SHQ1: variants seen among roughly 807,000 people sequenced by gnomAD.
The protein encoded by SHQ1 is protein SHQ1 homolog.
Under a neutral mutation model 53.8 loss-of-function variants are expected in SHQ1, and 49 were observed. The observed-to-expected ratio is 0.91, with a 90% CI of 0.72 to 1.16. The LOEUF is 1.16. SHQ1 is among the 50% of genes most tolerant of loss of function. The pLI is 0.00. For synonymous variants in SHQ1, 243 were observed against 251.0 expected (o/e 0.97, Z 0.30); for missense variants, 738 against 683.1 (o/e 1.08, Z -0.90).
chr3:72,831,399 G>A (rs544484743), intron 5 of SHQ1, among the ~76,000 whole-genome samples: 35 of 152,316 alleles, frequency 2.3e-4, no homozygotes, highest in Admixed American at 2.0e-3. Flanking sequence ...CAAATGGAGA[G>A]ACTCTTTTCA....
At chr3:72,833,534 CAGATAGATAGAT>C (rs113103994) in intron 4 of SHQ1, among the ~76,000 whole-genome samples, 26,297 of 149,574 alleles carry the variant, frequency 0.18, 2,661 homozygotes, top group African/African-American at 0.27. Flanking sequence ...GGATGATAGA[CAGATAGATAGAT>C]AGATAGATAG....
intron 10 of SHQ1, chr3:72,753,022 AT>A: frequency 1.0e-6 from 1 of 985,396 alleles, no homozygotes; most frequent in Non-Finnish European, 1.2e-6. Context: ...TATCGAGTAA[AT>A]AAACTTTTCC....
At chr3:72,840,599 C>T (rs1708150183) in intron 4 of SHQ1, among the ~76,000 whole-genome samples, 1 of 151,184 alleles carries the variant, frequency 6.6e-6, no homozygotes, top group African/African-American at 2.4e-5. Context: ...ATGGTGCCTA[C>T]TATACACCAA....
At chr3:72,797,015 T>C (rs1453575655) in intron 9 of SHQ1, among the ~76,000 whole-genome samples, 1 of 150,962 alleles carries the variant, frequency 6.6e-6, no homozygotes, top group Non-Finnish European at 1.5e-5. Context: ...CCCAGCACTC[T>C]GGGAGGCCGA....
chr3:72,785,436 G>A (rs1258889422), intron 10 of SHQ1, among the ~76,000 whole-genome samples: 1 of 152,176 alleles, frequency 6.6e-6, no homozygotes, highest in Non-Finnish European at 1.5e-5. Flanking sequence ...TGGAGCTGGA[G>A]GTCACATAGC....
At chr3:72,767,557 G>A (rs1705757330) in intron 10 of SHQ1, among the ~76,000 whole-genome samples, 1 of 152,286 alleles carries the variant, frequency 6.6e-6, no homozygotes, top group East Asian at 1.9e-4. Flanking sequence ...CTATTATAGT[G>A]ATCACAACCC....
chr3:72,808,002 T>C (rs569355362), intron 9 of SHQ1, among the ~76,000 whole-genome samples: 42 of 152,272 alleles, frequency 2.8e-4, no homozygotes, highest in African/African-American at 9.6e-4. Flanking sequence ...TCACATGTTA[T>C]TAGAAAGTAG....
At chr3:72,826,553 C>A (rs1173513716) in intron 5 of SHQ1, among the ~76,000 whole-genome samples, 12 of 152,326 alleles carry the variant, frequency 7.9e-5, no homozygotes, top group Non-Finnish European at 1.3e-4. Flanking sequence ...CTGGCCCTCA[C>A]ACAACTTACA....
chr3:72,804,081 T>C (rs935595339), intron 9 of SHQ1, among the ~76,000 whole-genome samples: 1 of 152,000 alleles, frequency 6.6e-6, no homozygotes, highest in African/African-American at 2.4e-5. Flanking sequence ...TACGCCCTGC[T>C]AATTTAAAAA....
chr3:72,729,095 G>A, the SHQ1 span, among the ~76,000 whole-genome samples: 1 of 152,246 alleles, frequency 6.6e-6, no homozygotes, highest in Non-Finnish European at 1.5e-5. Flanking sequence ...TGAGTAAACT[G>A]ATGCGTGAAT....
chr3:72,810,392 A>T lies in SHQ1; in HGVS notation c.1060+2279T>A, dbSNP rs191904403. On this transcript the variant is annotated intron_variant, in intron 9 of 10. Transcript: ENST00000325599. Reference sequence around the variant, plus strand: ...CTTGTAAAGGCTACTGTGAAGTCACATGAGGCAAATTCCTGGCTCTTTGAA... The same window carrying T: ...CTTGTAAAGGCTACTGTGAAGTCACTTGAGGCAAATTCCTGGCTCTTTGAA... 1.9e-3 allele frequency among the ~76,000 whole-genome samples: 297 copies of T among 152,344 alleles called. 2 individuals are homozygous for T. Among genetic ancestry groups the T allele is most frequent in the African/African-American group, 6.7e-3 (280 of 41,586 alleles).
At chr3:72,798,652 T>C (rs1467616568) in intron 9 of SHQ1, among the ~76,000 whole-genome samples, 1 of 152,210 alleles carries the variant, frequency 6.6e-6, no homozygotes, top group African/African-American at 2.4e-5. Flanking sequence ...TTGAGCTGTT[T>C]TAAATAGAAT....
intron 10 of SHQ1, among the ~76,000 whole-genome samples, chr3:72,768,451 A>G (rs1025355166): frequency 1.3e-5 from 2 of 152,246 alleles, no homozygotes; most frequent in Admixed American, 1.3e-4. Context: ...GCATCTAGGA[A>G]GAAAGATCAT....
At chr3:72,811,740 A>G (rs1707128634) in intron 9 of SHQ1, among the ~76,000 whole-genome samples, 1 of 152,210 alleles carries the variant, frequency 6.6e-6, no homozygotes, top group Non-Finnish European at 1.5e-5. Flanking sequence ...AGGTGAGACA[A>G]AACATTTGAG....
At chr3:72,752,882 C>T in intron 10 of SHQ1, 1 of 592,522 alleles carries the variant, frequency 1.7e-6, no homozygotes, top group Non-Finnish European at 2.1e-6. Flanking sequence ...CCGAGATGGT[C>T]TTGATCTCCT....
rs369544391 is a variant in SHQ1 at position 72,832,390 on chromosome 3, T to C, written c.578A>G (p.Lys193Arg). ...TCACAGATAATGATCAGGATCAAAC[T>C]TGGCCAGCTCAGCGGCCAGGCGCTT... ...RQKRLAAELA[K>R]FDPDHYLADF... is the part of the protein sequence containing the mutation. The change falls in exon 5 of 11, where the codon AAG becomes AGG. Residue 193 changes from lysine to arginine, a missense_variant. Coordinates refer to ENST00000325599, the MANE Select transcript of SHQ1 (RefSeq NM_018130.3). The C allele has an allele frequency of 1.3e-5, 21 of 1,611,838 alleles. No homozygotes were observed. The highest frequency in any genetic ancestry group is 1.7e-5 in the Non-Finnish European group (20 of 1,179,432).
Position 72,792,955 on chromosome 3 carries a change from A to AGATC in SHQ1, c.1138_1141dup (p.Leu381ArgfsTer74). 1 of 1,611,930 alleles carries AGATC rather than the reference A, an allele frequency of 6.2e-7. No individual in the cohort carries two copies. Among genetic ancestry groups the AGATC allele is most frequent in the Non-Finnish European group, 8.5e-7 (1 of 1,179,736 alleles). ...CCACACACAGTAGTCTGAGATGTAG[A>AGATC]GATCATTCAGTATGTACGCTGGGTC... On this transcript the variant is annotated frameshift_variant, in exon 10 of 11. Coordinates refer to ENST00000325599, the MANE Select transcript of SHQ1 (RefSeq NM_018130.3). LOFTEE classifies it low-confidence loss of function (END_TRUNC).
At chr3:72,832,232 A>G (rs1575731926) in intron 5 of SHQ1, 137 bp downstream of exon 5, 1 of 639,562 alleles carries the variant, frequency 1.6e-6, no homozygotes, top group Non-Finnish European at 2.8e-6. Context: ...GTTAATTCAA[A>G]TGTCCATTAA....
chr3:72,778,211 G>A (rs1280651516), intron 10 of SHQ1, among the ~76,000 whole-genome samples: 1 of 152,062 alleles, frequency 6.6e-6, no homozygotes, highest in East Asian at 1.9e-4. Context: ...TCCACTTTGA[G>A]CACTTTTGAG....
Sources: gnomAD v4.1 joint callset for allele counts (sites outside exome capture counted in the v4.1 genomes callset) on GRCh38, gnomAD v4.1.1 for gene constraint, MANE v1.5 for transcripts, NCBI Gene and HGNC (gene_info 2026-07-23, HGNC 2026-07-21) for gene names.